PIGK: variants seen among roughly 807,000 people sequenced by gnomAD.
PIGK encodes the protein GPI-anchor transamidase.
Under a neutral mutation model 50.6 loss-of-function variants are expected in PIGK, and 42 were observed. The ratio of observed to expected loss-of-function variants is 0.83; its 90% CI spans 0.65 to 1.07. The LOEUF is 1.07. Ranked by LOEUF, PIGK falls within the 50% of genes least tolerant of loss-of-function variation. PIGK has a pLI of 0.00. For synonymous variants in PIGK, 151 were observed against 156.0 expected (o/e 0.97, Z 0.24); for missense variants, 448 against 488.7 (o/e 0.92, Z 0.78).
chr1:77,129,194 G>T, intron 9 of PIGK: 1 of 1,595,058 alleles, frequency 6.3e-7, no homozygotes, highest in Non-Finnish European at 8.6e-7. Flanking sequence ...TTCACTTTAA[G>T]AACACTCGTG....
chr1:77,195,184 T>C (rs1656002967), intron 3 of PIGK: 3 of 1,197,286 alleles, frequency 2.5e-6, no homozygotes, highest in Non-Finnish European at 1.2e-6. Context: ...GACCCTCCTG[T>C]TCTTAACCGT....
Position 77,219,430 on chromosome 1 carries a change from T to A in PIGK, c.-28A>T. ...TTACCGGCTTCAGACTTCCCGCACC[T>A]GAAGGGGCGGAGGCAGTGCCGTAAA... On this transcript the variant is annotated 5_prime_UTR_variant, in exon 1 of 11. Transcript: ENST00000370812. 2 of 1,598,600 alleles carry A rather than the reference T, an allele frequency of 1.3e-6. No individual in the cohort carries two copies. Among genetic ancestry groups the A allele is most frequent in the Non-Finnish European group, 1.7e-6 (2 of 1,168,050 alleles).
chr1:77,183,711 C>G (rs1721143), intron 3 of PIGK, among the ~76,000 whole-genome samples: 151,558 of 152,298 alleles, frequency 1, 75,412 homozygotes, highest in Middle Eastern at 1. Flanking sequence ...TAATGTTGCA[C>G]CTCGAGGAGG....
chr1:77,111,317 T>C (rs1316968714), intron 10 of PIGK, among the ~76,000 whole-genome samples: 2 of 152,152 alleles, frequency 1.3e-5, no homozygotes, highest in African/African-American at 2.4e-5. Flanking sequence ...CATATGTTTA[T>C]TGTGGCACTA....
chr1:77,167,539 T>C (rs989526850), intron 4 of PIGK, among the ~76,000 whole-genome samples: 1 of 152,024 alleles, frequency 6.6e-6, no homozygotes, highest in South Asian at 2.1e-4. Context: ...AGGCCAAGTG[T>C]TCAAAAACAG....
At chr1:77,189,331 T>C (rs1299244179) in intron 3 of PIGK, among the ~76,000 whole-genome samples, 3 of 152,174 alleles carry the variant, frequency 2.0e-5, no homozygotes, top group Non-Finnish European at 4.4e-5. Flanking sequence ...TGATGGTTAC[T>C]GAGTGTCAAC....
chr1:77,130,535 TG>T (rs1426324322), intron 9 of PIGK, among the ~76,000 whole-genome samples: 1 of 152,050 alleles, frequency 6.6e-6, no homozygotes, highest in Non-Finnish European at 1.5e-5. Flanking sequence ...CATGAGTCTG[TG>T]GGGGCTTTAT....
chr1:77,134,512 A>T (rs1557802210), intron 9 of PIGK, among the ~76,000 whole-genome samples: 1 of 152,196 alleles, frequency 6.6e-6, no homozygotes, highest in Non-Finnish European at 1.5e-5. Context: ...GTCACCAAAA[A>T]TGTTGCTGGT....
intron 10 of PIGK, among the ~76,000 whole-genome samples, chr1:77,119,052 A>G (rs1176479821): frequency 6.6e-6 from 1 of 152,106 alleles, no homozygotes; most frequent in African/African-American, 2.4e-5. Context: ...TCCTTTGTCC[A>G]TATAATATTT....
chr1:77,118,480 G>A (rs996106813), intron 10 of PIGK, among the ~76,000 whole-genome samples: 8 of 152,128 alleles, frequency 5.3e-5, no homozygotes, highest in Admixed American at 5.2e-4. Context: ...TCGATGTATA[G>A]AAATTTAACA....
At chr1:77,208,866 A>T (rs1656353014) in intron 2 of PIGK, among the ~76,000 whole-genome samples, 1 of 152,170 alleles carries the variant, frequency 6.6e-6, no homozygotes, top group African/African-American at 2.4e-5. Flanking sequence ...CTATATTTTT[A>T]TCAAATGTGT....
intron 9 of PIGK, among the ~76,000 whole-genome samples, chr1:77,150,781 A>G (rs1196494284): frequency 6.6e-6 from 1 of 152,138 alleles, no homozygotes; most frequent in Non-Finnish European, 1.5e-5. Context: ...CATACAACCT[A>G]CCATCATTGA....
intron 5 of PIGK, among the ~76,000 whole-genome samples, chr1:77,165,065 C>T (rs1003822631): frequency 6.6e-6 from 1 of 152,046 alleles, no homozygotes; most frequent in East Asian, 1.9e-4. Flanking sequence ...CTGTGTAAAC[C>T]AAATGGATGC....
chr1:77,177,160 T>C (rs1462251738), intron 3 of PIGK, among the ~76,000 whole-genome samples: 1 of 152,228 alleles, frequency 6.6e-6, no homozygotes, highest in African/African-American at 2.4e-5. Context: ...TAGACTATTA[T>C]GCTACAGTGT....
chr1:77,125,346 C>T (rs1255357669), intron 9 of PIGK, among the ~76,000 whole-genome samples: 1 of 152,102 alleles, frequency 6.6e-6, no homozygotes, highest in East Asian at 1.9e-4. Context: ...TGTTTATCAA[C>T]CAAGGATATG....
intron 10 of PIGK, among the ~76,000 whole-genome samples, chr1:77,111,246 CCT>C (rs981892654): frequency 1.3e-5 from 2 of 152,138 alleles, no homozygotes; most frequent in Admixed American, 1.3e-4. Context: ...ACCCAGCCAT[CCT>C]ATTACCGGGT....
intron 10 of PIGK, among the ~76,000 whole-genome samples, chr1:77,107,746 C>G (rs959828000): frequency 1.3e-5 from 2 of 151,912 alleles, no homozygotes; most frequent in South Asian, 2.1e-4. Context: ...AGGTCTCTAA[C>G]GACTTGCTTT....
intron 9 of PIGK, chr1:77,129,095 C>T (rs777084203): frequency 2.3e-6 from 2 of 887,262 alleles, no homozygotes; most frequent in Non-Finnish European, 3.9e-6. Flanking sequence ...CCCTAAGCAG[C>T]CTGAGGTAAT....
chr1:77,110,373 C>T (rs1180660712), intron 10 of PIGK, among the ~76,000 whole-genome samples: 1 of 152,094 alleles, frequency 6.6e-6, no homozygotes, highest in Non-Finnish European at 1.5e-5. Context: ...TACAAGGCTA[C>T]AGTAACCAAA....
Sources: allele counts gnomAD v4.1 joint callset (sites outside exome capture counted in the v4.1 genomes callset), GRCh38; gene constraint gnomAD v4.1.1; transcripts MANE v1.5; gene names NCBI Gene and HGNC (gene_info 2026-07-23, HGNC 2026-07-21).